ARID1B: variants seen among roughly 807,000 people sequenced by gnomAD.
The protein encoded by ARID1B is AT-rich interactive domain-containing protein 1B.
Under a neutral mutation model 212.3 loss-of-function variants are expected in ARID1B, and 30 were observed. The ratio of observed to expected loss-of-function variants is 0.14; its 90% confidence interval spans 0.11 to 0.19. ARID1B has a LOEUF of 0.19. ARID1B is among the 10% of genes least tolerant of loss of function. ARID1B has a pLI of 1.00. For missense variants in ARID1B, 2,891 were observed against 3,204.0 expected, an observed-to-expected ratio of 0.90 and a Z score of 2.36; for synonymous variants, 1,402 against 1,301.7, an observed-to-expected ratio of 1.08 and a Z score of -1.66.
At position 156,778,201 on chromosome 6, in the gene ARID1B, A is replaced by C. The variant is rs1778795922; in HGVS notation, c.521A>C (p.His174Pro). Reference protein sequence around the residue: ...HQQHHHHHHAHHHHHHAHHLH... With the variant: ...HQQHHHHHHAPHHHHHAHHLH... Reference sequence around the variant, plus strand: ...CAGCACCACCACCACCACCATGCCCACCACCACCACCACCATGCCCACCAC... The same window carrying C: ...CAGCACCACCACCACCACCATGCCCCCCACCACCACCACCATGCCCACCAC... The change falls in exon 1 of 20, where the codon CAC becomes CCC. Residue 174 changes from histidine (H) to proline (P), a missense_variant. This residue lies in a region of ARID1B where 1,643 missense variants were observed against 1,544.0 expected (regional missense o/e 1.06). Transcript: ENST00000636930. The C allele has an allele frequency of 8.6e-6, 13 of 1,505,314 alleles. No individual in the cohort carries two copies. The highest frequency in any genetic ancestry group is 2.8e-5 in the African/African-American group (2 of 71,292). 93.2% of individuals were successfully genotyped at this position (1,505,314 alleles called of 1,614,324 possible).
rs2128366460 is a variant in ARID1B, at chr6:157,198,876, G to C, written c.4448G>C (p.Gly1483Ala). 2 of 1,609,986 alleles carry C rather than the reference G, an allele frequency of 1.2e-6. No individual in the cohort carries two copies. The highest frequency in any genetic ancestry group is 2.2e-5 in the South Asian group (2 of 90,040). The change falls in exon 17 of 20, where the codon GGG becomes GCG. Residue 1483 changes from glycine to alanine, a missense_variant. Physicochemically the swap from Gly to Ala is moderately conservative, Grantham distance 60. This residue lies in a region of ARID1B where 666 missense variants were observed against 873.5 expected (regional missense o/e 0.76). Coordinates refer to ENST00000636930, the MANE Select transcript of ARID1B (RefSeq NM_001374828.1). ...CCCTCGGGACAGCCGCCGTATGGAG[G>C]GCACCAGCCCGGCCTGTACCCACAG... Reference protein sequence around the residue: ...GPPSGQPPYGGHQPGLYPQQP... With the variant: ...GPPSGQPPYGAHQPGLYPQQP...
In ARID1B at chr6:156,901,666, T is replaced by C. The variant is rs375639593; in HGVS notation, c.2136+141T>C. 9.4e-6 allele frequency: 10 copies of C among 1,060,978 alleles called. No homozygotes were observed. In the South Asian group the frequency reaches 1.5e-4, roughly 16 times the overall value. 65.7% of individuals were successfully genotyped at this position (1,060,978 alleles called of 1,614,324 possible). A position where few individuals can be genotyped will look rare whatever the true frequency, so the allele number is the denominator to read the frequency against. On this transcript the variant is annotated intron_variant, in intron 3 of 19. Coordinates refer to ENST00000636930, the MANE Select transcript of ARID1B (RefSeq NM_001374828.1). ...TTTGAGAAAATGCATAACTGTAACC[T>C]AATCTAACTCCATCTCTCCCTCCGT... is the stretch of plus-strand genomic sequence containing the variant.
chr6:156,823,176 C>T (rs1362973791), intron 1 of ARID1B, among the ~76,000 whole-genome samples: 1 of 151,972 alleles, frequency 6.6e-6, no homozygotes, highest in Admixed American at 6.6e-5. Context: ...GTGTTACGGC[C>T]GGGCCATGGA....
intron 8 of ARID1B, among the ~76,000 whole-genome samples, chr6:157,162,919 C>G (rs376587099): frequency 6.6e-6 from 1 of 152,200 alleles, no homozygotes; most frequent in East Asian, 1.9e-4. Context: ...TCTGCAGAGT[C>G]AGGACAGCTG....
intron 4 of ARID1B, among the ~76,000 whole-genome samples, chr6:157,055,003 G>T (rs1294202357): frequency 6.6e-6 from 1 of 152,172 alleles, no homozygotes; most frequent in Admixed American, 6.5e-5. Context: ...GCATAAACCT[G>T]CAGAGGAGGG....
chr6:157,116,687 C>T (rs1166158085), intron 6 of ARID1B, among the ~76,000 whole-genome samples: 3 of 151,936 alleles, frequency 2.0e-5, no homozygotes, highest in Non-Finnish European at 4.4e-5. Context: ...AGGCAGTTCT[C>T]TGGCACCATT....
At chr6:157,062,118 C>G (rs1318172321) in intron 4 of ARID1B, among the ~76,000 whole-genome samples, 1 of 152,138 alleles carries the variant, frequency 6.6e-6, no homozygotes, top group Non-Finnish European at 1.5e-5. Flanking sequence ...ATCTACTTTC[C>G]CAAGTACATA....
At chr6:157,099,554 C>T (rs1413645847) in intron 5 of ARID1B, among the ~76,000 whole-genome samples, 1 of 152,156 alleles carries the variant, frequency 6.6e-6, no homozygotes, top group East Asian at 1.9e-4. Flanking sequence ...AAGAAAAGTT[C>T]TGGTTTGAAT....
intron 15 of ARID1B, among the ~76,000 whole-genome samples, chr6:157,192,520 G>T (rs949500894): frequency 6.6e-6 from 1 of 152,184 alleles, no homozygotes; most frequent in African/African-American, 2.4e-5. Flanking sequence ...ATATTGGTAA[G>T]TTGAAAACAC....
At chr6:157,033,523 A>G (rs1781139584) in intron 4 of ARID1B, among the ~76,000 whole-genome samples, 1 of 152,238 alleles carries the variant, frequency 6.6e-6, no homozygotes, top group Admixed American at 6.5e-5. Flanking sequence ...TGAAAGAGAA[A>G]GGAAAGTACG....
chr6:157,023,887 G>C (rs1049003426), intron 4 of ARID1B: 6 of 152,344 alleles, frequency 3.9e-5, no homozygotes, highest in African/African-American at 1.4e-4. Flanking sequence ...CAAGTGAGAT[G>C]TCAAGCAAGT....
At chr6:156,972,247 A>G (rs1274637094) in intron 4 of ARID1B, among the ~76,000 whole-genome samples, 1 of 152,212 alleles carries the variant, frequency 6.6e-6, no homozygotes, top group Non-Finnish European at 1.5e-5. Flanking sequence ...GTTCTCAAAC[A>G]GTGTCAGGAG....
intron 4 of ARID1B, among the ~76,000 whole-genome samples, chr6:157,003,053 G>A (rs73578084): frequency 6.7e-4 from 102 of 152,282 alleles, no homozygotes; most frequent in African/African-American, 2.4e-3. Flanking sequence ...GTGGGAGGCC[G>A]GGAGGATGGT....
At chr6:156,795,954 T>TG (rs1780344302) in intron 1 of ARID1B, among the ~76,000 whole-genome samples, 1 of 152,154 alleles carries the variant, frequency 6.6e-6, no homozygotes, top group Non-Finnish European at 1.5e-5. Context: ...GCGGTCCTGC[T>TG]GGGGTTCCTG....
chr6:156,966,156 C>G (rs934258234), intron 4 of ARID1B, among the ~76,000 whole-genome samples: 2 of 152,158 alleles, frequency 1.3e-5, no homozygotes, highest in African/African-American at 4.8e-5. Flanking sequence ...CACAGCCAAA[C>G]AAATTCTGAT....
chr6:156,903,156 C>T (rs999028694), intron 3 of ARID1B, among the ~76,000 whole-genome samples: 12 of 152,130 alleles, frequency 7.9e-5, no homozygotes, highest in African/African-American at 2.7e-4. Context: ...TGATGACTTC[C>T]AGCACATGGC....
intron 2 of ARID1B, among the ~76,000 whole-genome samples, chr6:156,871,057 G>T (rs887042127): frequency 2.0e-5 from 3 of 152,124 alleles, no homozygotes; most frequent in Non-Finnish European, 2.9e-5. Flanking sequence ...AGTAAGTTCC[G>T]TAACTAGAAT....
intron 2 of ARID1B, chr6:156,829,743 G>A (rs1373172010): frequency 9.9e-6 from 2 of 201,576 alleles, no homozygotes; most frequent in African/African-American, 4.6e-5. Flanking sequence ...CAACATTTTT[G>A]TCAGACTGTG....
chr6:156,926,462 A>G lies in ARID1B; in HGVS notation c.2137-9004A>G, dbSNP rs930650494. ...GGTTGGAGGCATAGTTTTTCAGATG[A>G]AAGCCAGAGTCAGTCTCAGCCCCAC... On this transcript the variant is annotated intron_variant, in intron 3 of 19. Coordinates refer to ENST00000636930, the MANE Select transcript of ARID1B (RefSeq NM_001374828.1). 3.9e-5 allele frequency among the ~76,000 whole-genome samples: 6 copies of G among 152,192 alleles called. No individual in the cohort carries two copies. In the East Asian group the frequency reaches 1.2e-3, roughly 29 times the overall value.
Sources: allele counts gnomAD v4.1 joint callset (sites outside exome capture counted in the v4.1 genomes callset), GRCh38; gene constraint gnomAD v4.1.1; regional missense constraint gnomAD v4.1.1; transcripts MANE v1.5; gene names NCBI Gene and HGNC (gene_info 2026-07-23, HGNC 2026-07-21).